Variants in GRIP2 observed in about 807,000 individuals in gnomAD.
GRIP2 encodes the protein glutamate receptor-interacting protein 2.
GRIP2 carries 58 observed loss-of-function variants against 108.3 expected under a neutral mutation model. The observed-to-expected ratio is 0.54, with a 90% confidence interval of 0.43 to 0.67. The LOEUF (loss-of-function observed/expected upper bound fraction) is 0.67. Ranked by LOEUF, GRIP2 falls within the 30% of genes least tolerant of loss-of-function variation. The pLI is 0.00. For synonymous variants in GRIP2, 586 were observed against 598.2 expected, an observed-to-expected ratio of 0.98 and a Z score of 0.30; for missense variants, 1,278 against 1,430.6, an observed-to-expected ratio of 0.89 and a Z score of 1.72.
rs1443463229 is a variant in GRIP2, at chr3:14,503,565, C to T, written c.2679+1G>A. The T allele has an allele frequency of 1.2e-6, 2 of 1,606,848 alleles. No homozygotes were observed. The highest frequency in any genetic ancestry group is 1.1e-5 in the South Asian group (1 of 89,490). On this transcript the variant is annotated splice_donor_variant, in intron 21 of 23. Transcript: ENST00000621039. LOFTEE classifies it high-confidence loss of function. ...CAGGCCTGCAGGGCAGGCAGCCATA[C>T]CTCCAGTTCCCTCAGCAGCTCTGAC...
rs1310567401 is a variant in GRIP2 at position 14,517,854 on chromosome 3, G to A, written c.1074C>T (p.Cys358=). Residue 358 remains cysteine, a synonymous_variant, in exon 10 of 24, where the codon TGC becomes TGT. Transcript: ENST00000621039. ...RSEQLHRWDP[C]VPSCHSPRPG... Reference sequence around the variant, plus strand: ...GCCGGGGGCTGTGGCAGGAGGGCACGCAGGGGTCCCAGCGGTGCAGCTGCT... The same window carrying A: ...GCCGGGGGCTGTGGCAGGAGGGCACACAGGGGTCCCAGCGGTGCAGCTGCT... The A allele has an allele frequency of 4.4e-6, 7 of 1,599,710 alleles. No homozygotes were observed. The highest frequency in any genetic ancestry group is 1.3e-5 in the African/African-American group (1 of 74,570).
At chr3:14,560,977 G>A (rs1695306765), upstream of GRIP2, among the ~76,000 whole-genome samples, 1 of 152,166 alleles carries the variant, frequency 6.6e-6, no homozygotes, top group Non-Finnish European at 1.5e-5. Context: ...TTAGTCAAAG[G>A]AGGCCACAGC....
chr3:14,554,925 G>A lies in GRIP2; in HGVS notation c.55+975C>T, dbSNP rs188553272. ...TGCTGAGTGCATGTCTGTCACTGCT[G>A]TTCCTGTTGACAGCAAGATGATTCT... On this transcript the variant is annotated intron_variant, in intron 1 of 23. Coordinates refer to the GRIP2 transcript ENST00000637182. 8.9e-4 allele frequency among the ~76,000 whole-genome samples: 136 copies of A among 152,304 alleles called. 1 individual carries two copies. Among genetic ancestry groups the A allele is most frequent in the Admixed American group, 2.9e-3 (44 of 15,302 alleles).
chr3:14,575,820 A>G, the GRIP2 span, among the ~76,000 whole-genome samples: 1 of 152,214 alleles, frequency 6.6e-6, no homozygotes, highest in Non-Finnish European at 1.5e-5. Context: ...GCGGGCTGGC[A>G]GGCAGGCAGG....
chr3:14,507,526 G>C lies in GRIP2; in HGVS notation c.2218+35C>G. 6.2e-7 allele frequency: 1 copy of C among 1,606,792 alleles called. No individual in the cohort carries two copies. Among genetic ancestry groups the C allele is most frequent in the Non-Finnish European group, 8.5e-7 (1 of 1,173,804 alleles). ...CAGAGGGATTGCCCTTCCTAAACCT[G>C]CTGGGTGGCTCCCAGGGGATGAAGC... On this transcript the variant is annotated intron_variant, in intron 18 of 23. Coordinates refer to ENST00000621039, the MANE Select transcript of GRIP2 (RefSeq NM_001080423.4). The surrounding 1 kb of genome is among the most constrained non-coding windows in gnomAD (Gnocchi z 4.6).
intron 1 of GRIP2, among the ~76,000 whole-genome samples, chr3:14,547,174 G>A (rs1695070766): frequency 6.6e-6 from 1 of 152,114 alleles, no homozygotes; most frequent in African/African-American, 2.4e-5. Context: ...AGGGGAGAAA[G>A]GGAGGGAGGA....
upstream of GRIP2, among the ~76,000 whole-genome samples, chr3:14,543,446 T>C (rs549316587): frequency 2.6e-5 from 4 of 152,152 alleles, no homozygotes; most frequent in East Asian, 1.9e-4. Context: ...AAACACAGAG[T>C]GCAGGCTGAC....
intron 3 of GRIP2, among the ~76,000 whole-genome samples, chr3:14,524,899 A>C (rs990957369): frequency 2.0e-5 from 3 of 152,192 alleles, no homozygotes; most frequent in Non-Finnish European, 4.4e-5. Flanking sequence ...ATTTATCTGC[A>C]CCAGCATTGT....
chr3:14,583,915 C>T, the GRIP2 span, among the ~76,000 whole-genome samples: 5 of 152,218 alleles, frequency 3.3e-5, no homozygotes, highest in Non-Finnish European at 7.3e-5. Flanking sequence ...AAAGGAGGGT[C>T]TCCTTTCTAG....
Position 14,538,098 on chromosome 3 carries a change from C to T in GRIP2, c.40+2171G>A, listed in dbSNP as rs58262043. On this transcript the variant is annotated intron_variant, in intron 1 of 23. Transcript: ENST00000621039. ...GTGTGGGGCCTGAGAAGGGACCCAC[C>T]CAGAGTCCATCAGGAGCAGAGAAAG... Among the ~76,000 whole-genome samples, 3 of 152,232 alleles carry T rather than the reference C, an allele frequency of 2.0e-5. No homozygotes were observed. The East Asian group carries it at 5.8e-4, about 29-fold the overall frequency.
intron 21 of GRIP2, among the ~76,000 whole-genome samples, chr3:14,499,677 G>C (rs547899489): frequency 6.6e-6 from 1 of 151,984 alleles, no homozygotes; most frequent in African/African-American, 2.4e-5. Flanking sequence ...TGAGCCAAGC[G>C]AGCCAAGCCA....
rs1467571108 is a variant in GRIP2 at position 14,489,635 on chromosome 3, G to A, written c.*4030C>T. On this transcript the variant is annotated 3_prime_UTR_variant, in exon 24 of 24. Transcript: ENST00000621039. ...CATGCCCAGCCCTGTACAGCTGGGA[G>A]ATCTGGCAGCAGTCACCTGAGCCTC... 1 of 152,306 alleles carries A rather than the reference G, an allele frequency of 6.6e-6. No individual in the cohort carries two copies. The highest frequency in any genetic ancestry group is 1.5e-5 in the Non-Finnish European group (1 of 68,130). The allele number at this position is 152,306 out of a possible 1,614,324, so 9.4% of individuals were successfully genotyped here.
upstream of GRIP2, chr3:14,541,786 G>T: frequency 2.1e-6 from 2 of 942,348 alleles, no homozygotes; most frequent in Non-Finnish European, 3.0e-6. Context: ...AGGGTGGGTG[G>T]TGAGGGTCAG....
rs1693976408 is a variant in GRIP2, at chr3:14,507,904, G to A, written c.2079-204C>T. Among the ~76,000 whole-genome samples, 1 of 152,162 alleles carries A rather than the reference G, an allele frequency of 6.6e-6. No individual in the cohort carries two copies. The highest frequency in any genetic ancestry group is 1.5e-5 in the Non-Finnish European group (1 of 68,028). On this transcript the variant is annotated intron_variant, in intron 17 of 23. Coordinates refer to ENST00000621039, the MANE Select transcript of GRIP2 (RefSeq NM_001080423.4). The surrounding 1 kb of genome is among the most constrained non-coding windows in gnomAD (Gnocchi z 4.6). ...GACATAAAGTCTAGAACCTGGGAGG[G>A]GATTGTCCCACCTGACTGCAAAATT... is the stretch of plus-strand genomic sequence containing the variant.
At chr3:14,525,019 G>A (rs908528226) in intron 3 of GRIP2, among the ~76,000 whole-genome samples, 4 of 152,232 alleles carry the variant, frequency 2.6e-5, no homozygotes, top group Non-Finnish European at 5.9e-5. Flanking sequence ...GTGCATGTGG[G>A]GCTTCAGGAA....
intron 11 of GRIP2, among the ~76,000 whole-genome samples, chr3:14,515,037 C>G: frequency 6.6e-6 from 1 of 152,240 alleles, no homozygotes; most frequent in Non-Finnish European, 1.5e-5. Context: ...CGCGAATCTA[C>G]TTTCATCTCT....
upstream of GRIP2, among the ~76,000 whole-genome samples, chr3:14,544,093 G>A (rs966376575): frequency 4.6e-5 from 7 of 152,182 alleles, no homozygotes; most frequent in South Asian, 2.1e-4. Context: ...GCCCAGGTTC[G>A]AATCCCAGCT....
At chr3:14,594,514 G>C in the GRIP2 span, among the ~76,000 whole-genome samples, 1 of 152,210 alleles carries the variant, frequency 6.6e-6, no homozygotes, top group Non-Finnish European at 1.5e-5. Flanking sequence ...GAGAGTCCCA[G>C]ACTGAGACTC....
intron 1 of GRIP2, among the ~76,000 whole-genome samples, chr3:14,548,492 G>A (rs1185741828): frequency 6.6e-6 from 1 of 152,092 alleles, no homozygotes; most frequent in Admixed American, 6.5e-5. Context: ...TGAGGGTAGT[G>A]GATCAGGCTT....
Sources: allele counts gnomAD v4.1 joint callset (sites outside exome capture counted in the v4.1 genomes callset), GRCh38; gene constraint gnomAD v4.1.1; non-coding constraint Gnocchi (gnomAD v3.1); transcripts MANE v1.5; gene names NCBI Gene and HGNC (gene_info 2026-07-23, HGNC 2026-07-21).